GALK2: variants seen among roughly 807,000 people sequenced by gnomAD.
The protein encoded by GALK2 is N-acetylgalactosamine kinase.
GALK2 carries 36 observed loss-of-function variants against 52.4 expected under a neutral mutation model. That is an observed-to-expected ratio of 0.69 (90% CI 0.53 to 0.91). The LOEUF is 0.91. GALK2 is among the 40% of genes least tolerant of loss of function. The pLI is 0.00. For synonymous variants in GALK2, 176 were observed against 199.1 expected (o/e 0.88, Z 0.98); for missense variants, 579 against 559.1 (o/e 1.04, Z -0.36).
chr15:49,196,362 C>T (rs2087235556), intron 1 of GALK2, among the ~76,000 whole-genome samples: 1 of 152,114 alleles, frequency 6.6e-6, no homozygotes, highest in South Asian at 2.1e-4. Context: ...TCTTTCACTT[C>T]ATTTCCCCTT....
rs773063173 is a variant in GALK2 at position 49,328,636 on chromosome 15, G to A, written c.*477G>A. The A allele has an allele frequency of 6.3e-6, 10 of 1,579,318 alleles. No individual in the cohort carries two copies. The highest frequency in any genetic ancestry group is 5.7e-5 in the South Asian group (5 of 87,754). ...GGTGATGATGATGATGATGACGATA[G>A]TGATGCCACACATTCTCTCTCAATT... On this transcript the variant is annotated 3_prime_UTR_variant, in exon 10 of 10. Coordinates refer to ENST00000560031, the MANE Select transcript of GALK2 (RefSeq NM_002044.4).
chr15:49,283,870 C>G (rs2033041450), intron 7 of GALK2, 152 bp downstream of exon 7: 2 of 785,662 alleles, frequency 2.5e-6, no homozygotes, highest in South Asian at 3.9e-5. Flanking sequence ...ACAGAGAAAT[C>G]TGATTTCTAA....
chr15:49,311,367 AC>A (rs1280208240), intron 8 of GALK2, among the ~76,000 whole-genome samples: 1 of 152,230 alleles, frequency 6.6e-6, no homozygotes, highest in Non-Finnish European at 1.5e-5. Flanking sequence ...AGCATGACAT[AC>A]AAAGTCCTCA....
exon 4 of GALK2, chr15:49,367,499 G>T (rs1230382982): frequency 1.9e-6 from 3 of 1,604,018 alleles, no homozygotes; most frequent in African/African-American, 1.3e-5. Flanking sequence ...AGGTGCTTTG[G>T]AAATACCAGC....
intron 2 of GALK2, among the ~76,000 whole-genome samples, chr15:49,205,304 C>G (rs1347107990): frequency 6.6e-6 from 1 of 152,184 alleles, no homozygotes; most frequent in African/African-American, 2.4e-5. Flanking sequence ...GGAATCTCCA[C>G]ACTGTTTTCC....
chr15:49,337,499 A>G (rs145965598), intron 3 of GALK2, among the ~76,000 whole-genome samples: 2,094 of 64,504 alleles, frequency 0.032, 77 homozygotes, highest in African/African-American at 0.11. Context: ...TGTTCATATC[A>G]TTTACCCACT....
intron 7 of GALK2, among the ~76,000 whole-genome samples, chr15:49,291,156 A>ATT (rs201204888): frequency 0.044 from 6,137 of 139,914 alleles, 215 homozygotes; most frequent in African/African-American, 0.085. Flanking sequence ...AGGTTTCGCC[A>ATT]TTTTTTTTTT....
intron 8 of GALK2, among the ~76,000 whole-genome samples, chr15:49,310,833 C>T (rs1340742873): frequency 6.6e-6 from 1 of 152,064 alleles, no homozygotes; most frequent in African/African-American, 2.4e-5. Flanking sequence ...TCCCATTCTG[C>T]AAGTTGTCTC....
At chr15:49,177,780 A>AT (rs2085580553) in intron 1 of GALK2, 4 of 595,932 alleles carry the variant, frequency 6.7e-6, no homozygotes, top group East Asian at 5.0e-5. Context: ...GGGTGGCAGG[A>AT]TTTTTTCTGA....
downstream of GALK2, among the ~76,000 whole-genome samples, chr15:49,332,158 A>C (rs1305657935): frequency 2.0e-5 from 3 of 151,014 alleles, no homozygotes; most frequent in Non-Finnish European, 4.4e-5. Flanking sequence ...GACAGTCTGA[A>C]CCCAAGCACT....
intron 8 of GALK2, among the ~76,000 whole-genome samples, chr15:49,313,002 AG>A (rs991467640): frequency 2.6e-5 from 4 of 152,230 alleles, no homozygotes. Context: ...TTATAGAACA[AG>A]GACCACAAGC....
intron 5 of GALK2, among the ~76,000 whole-genome samples, chr15:49,278,908 T>C (rs1405157205): frequency 2.6e-5 from 4 of 152,232 alleles, no homozygotes; most frequent in Admixed American, 2.0e-4. Flanking sequence ...CTTACAATCA[T>C]GGCAGAAGGC....
chr15:49,264,302 C>A (rs534216403), intron 5 of GALK2, among the ~76,000 whole-genome samples: 1 of 152,132 alleles, frequency 6.6e-6, no homozygotes, highest in Non-Finnish European at 1.5e-5. Context: ...CCTCCCTTCT[C>A]GCTTCATTTC....
intron 7 of GALK2, among the ~76,000 whole-genome samples, chr15:49,284,657 T>C (rs1324657635): frequency 6.6e-6 from 1 of 152,224 alleles, no homozygotes; most frequent in Admixed American, 6.5e-5. Flanking sequence ...AAATCTATTT[T>C]CTCAGTAGTA....
Position 49,327,982 on chromosome 15 carries a change from T to C in GALK2, c.1200T>C (p.Thr400=), listed in dbSNP as rs1263819317. 3.1e-6 allele frequency: 5 copies of C among 1,613,640 alleles called. No homozygotes were observed. Among genetic ancestry groups the C allele is most frequent in the East Asian group, 2.2e-5 (1 of 44,902 alleles). Residue 400 remains threonine (T), a synonymous_variant, in exon 10 of 10, where the codon ACT becomes ACC. Transcript: ENST00000560031. ...RKFGAQGSRL[T]GAGWGGCTVS... ...TTGGGGCTCAAGGGTCACGACTTAC[T>C]GGAGCAGGATGGGGAGGCTGCACAG... is the stretch of plus-strand genomic sequence containing the variant.
At chr15:49,272,359 A>G (rs2030812348) in intron 5 of GALK2, among the ~76,000 whole-genome samples, 1 of 152,070 alleles carries the variant, frequency 6.6e-6, no homozygotes, top group Non-Finnish European at 1.5e-5. Flanking sequence ...TTCTTTCCCA[A>G]TTTGTTTAAT....
chr15:49,258,794 ATGTG>A (rs35306007), intron 5 of GALK2, among the ~76,000 whole-genome samples: 11,236 of 102,694 alleles, frequency 0.11, 1,358 homozygotes, highest in African/African-American at 0.3. Flanking sequence ...ATATATATAT[ATGTG>A]TGTGTGTGTG....
upstream of GALK2, chr15:49,170,182 A>G (rs1285282780): frequency 4.1e-6 from 6 of 1,473,082 alleles, no homozygotes; most frequent in Non-Finnish European, 5.4e-6. Context: ...CAGCCACCTC[A>G]GCGAAGCTGC....
chr15:49,192,489 A>ATATATATATATATATATG (rs2086819405), intron 1 of GALK2, among the ~76,000 whole-genome samples: 7 of 23,820 alleles, frequency 2.9e-4, no homozygotes, highest in African/African-American at 9.3e-4. Flanking sequence ...ATATATGTAT[A>ATATATATATATATATATG]TATATATATA....
Sources: allele counts gnomAD v4.1 joint callset (sites outside exome capture counted in the v4.1 genomes callset), GRCh38; gene constraint gnomAD v4.1.1; transcripts MANE v1.5; gene names NCBI Gene and HGNC (gene_info 2026-07-23, HGNC 2026-07-21).